The following DHX34 variants were observed in gnomAD, a reference collection of about 807,000 sequenced individuals.
DHX34 encodes DExH-box helicase 34, also known as probable ATP-dependent RNA helicase DHX34.
Under a neutral mutation model 111.1 loss-of-function variants are expected in DHX34, and 96 were observed. That is an observed-to-expected ratio of 0.86 (90% confidence interval 0.73 to 1.02). The LOEUF is 1.02. Among genes scored for constraint, DHX34 ranks in the 50% least tolerant of loss-of-function variants. The probability of loss-of-function intolerance (pLI) is 0.00; values close to 1 mark genes in which losing one functional copy is unlikely to be tolerated. For missense variants in DHX34, 1,560 were observed against 1,579.9 expected (o/e 0.99, Z 0.21); for synonymous variants, 688 against 670.4 (o/e 1.03, Z -0.41).
intron 1 of DHX34, among the ~76,000 whole-genome samples, chr19:47,351,944 A>G (rs1199408553): frequency 6.6e-6 from 1 of 152,242 alleles, no homozygotes; most frequent in Non-Finnish European, 1.5e-5. Flanking sequence ...CCAGGCAGGC[A>G]AAAATTACAT....
chr19:47,381,049 G>A (rs958846998), intron 15 of DHX34, 57 bp downstream of exon 15: 32 of 1,543,094 alleles, frequency 2.1e-5, no homozygotes, highest in Admixed American at 1.4e-4. Context: ...CCACCACCCC[G>A]TTTCACCTTA....
In DHX34 at chr19:47,375,649, A is replaced by G. The variant is rs575842720; in HGVS notation, c.2248A>G (p.Ser750Gly). The G allele has an allele frequency of 3.2e-6, 5 of 1,555,570 alleles. No homozygotes were observed. In the East Asian group the frequency reaches 9.5e-5, roughly 30 times the overall value. ...RLQEEQDGGS[S>G]DEDRAGPAPP... ...GCAGGAGGAGCAGGACGGCGGCTCC[A>G]GTGACGAGGACAGGGCTGGCCCAGC... The change falls in exon 10 of 17, where the codon AGT becomes GGT. Residue 750 changes from serine to glycine, a missense_variant. Transcript: ENST00000328771.
intron 6 of DHX34, among the ~76,000 whole-genome samples, chr19:47,365,166 G>GA (rs1969752700): frequency 6.6e-6 from 1 of 151,936 alleles, no homozygotes; most frequent in East Asian, 1.9e-4. Context: ...GAAACACCTG[G>GA]AGAATTTAAA....
chr19:47,379,255 G>T (rs918944986), intron 13 of DHX34, among the ~76,000 whole-genome samples: 14 of 152,080 alleles, frequency 9.2e-5, no homozygotes, highest in South Asian at 2.1e-4. Flanking sequence ...AACCATCCAC[G>T]CATGGCCAGT....
chr19:47,358,216 G>A (rs1167000506), intron 4 of DHX34, 96 bp downstream of exon 4: 23 of 1,489,124 alleles, frequency 1.5e-5, no homozygotes, highest in East Asian at 2.4e-5. Context: ...CACAGGGCTC[G>A]GGGGCTGTAC....
intron 9 of DHX34, among the ~76,000 whole-genome samples, chr19:47,373,903 G>T (rs1050339941): frequency 6.6e-6 from 1 of 152,156 alleles, no homozygotes; most frequent in Non-Finnish European, 1.5e-5. Context: ...TCCTGGAGGG[G>T]TGGACCGAGT....
chr19:47,376,839 CTG>C, intron 12 of DHX34: 2 of 1,531,052 alleles, frequency 1.3e-6, no homozygotes, highest in Non-Finnish European at 1.7e-6. Context: ...CCTATGGACT[CTG>C]TGAGCTCCCA....
At chr19:47,365,069 T>C (rs1599762253) in intron 6 of DHX34, among the ~76,000 whole-genome samples, 1 of 152,018 alleles carries the variant, frequency 6.6e-6, no homozygotes. Flanking sequence ...CCGGGTCATA[T>C]GTGTTCACCC....
At chr19:47,367,867 G>T (rs1969839316) in intron 7 of DHX34, among the ~76,000 whole-genome samples, 1 of 137,350 alleles carries the variant, frequency 7.3e-6, no homozygotes, top group South Asian at 2.3e-4. Flanking sequence ...TTGTACTCTA[G>T]CCTGGGCGAC....
intron 1 of DHX34, among the ~76,000 whole-genome samples, chr19:47,350,264 G>A (rs964703365): frequency 2.6e-5 from 4 of 152,012 alleles, no homozygotes; most frequent in Non-Finnish European, 2.9e-5. Context: ...GAGAAAGGGC[G>A]TGGTGACTCA....
chr19:47,362,320 A>G (rs1969654349), intron 5 of DHX34, 156 bp from the exon 6 acceptor site: 2 of 964,644 alleles, frequency 2.1e-6, no homozygotes, highest in Admixed American at 6.2e-5. Flanking sequence ...GAATAAATGA[A>G]CAAAATGTCA....
rs1333729988 is a variant in DHX34, at chr19:47,375,724, T to C, written c.2307+16T>C. 6.4e-7 allele frequency: 1 copy of C among 1,559,954 alleles called. No homozygotes were observed. Among genetic ancestry groups the C allele is most frequent in the Admixed American group, 2.0e-5 (1 of 49,852 alleles). On this transcript the variant is annotated intron_variant, in intron 10 of 16. Transcript: ENST00000328771. ...GGACATCCAGGTGGGCGCCATGGGC[T>C]GTGGGGTGTGGGGGTTTACCAAGGT... is the stretch of plus-strand genomic sequence containing the variant.
chr19:47,362,184 C>T (rs1352726394), intron 5 of DHX34, among the ~76,000 whole-genome samples: 3 of 145,852 alleles, frequency 2.1e-5, no homozygotes, highest in Admixed American at 1.4e-4. Flanking sequence ...GTAGGATCAT[C>T]GCTTGAGCCT....
chr19:47,364,233 C>T (rs557795787), intron 6 of DHX34, among the ~76,000 whole-genome samples: 1 of 152,234 alleles, frequency 6.6e-6, no homozygotes, highest in Admixed American at 6.5e-5. Context: ...CTCACCACTC[C>T]TGGTCAGTCC....
intron 16 of DHX34, chr19:47,381,676 C>G (rs570078326): frequency 7.7e-6 from 5 of 645,844 alleles, no homozygotes; most frequent in African/African-American, 5.5e-5. Context: ...ATGCCACACA[C>G]TGGGGTTCAG....
intron 7 of DHX34, among the ~76,000 whole-genome samples, chr19:47,368,844 G>C (rs1969883879): frequency 6.6e-6 from 1 of 151,878 alleles, no homozygotes; most frequent in African/African-American, 2.4e-5. Flanking sequence ...CTCCTGAGTA[G>C]CTGAGACTGT....
chr19:47,361,142 G>A (rs1969619318), intron 5 of DHX34, among the ~76,000 whole-genome samples: 1 of 152,096 alleles, frequency 6.6e-6, no homozygotes, highest in Non-Finnish European at 1.5e-5. Flanking sequence ...GTATCGGTTG[G>A]CTCATCTGAA....
At chr19:47,365,465 T>C (rs1168727141) in intron 6 of DHX34, among the ~76,000 whole-genome samples, 2 of 152,170 alleles carry the variant, frequency 1.3e-5, no homozygotes, top group Non-Finnish European at 2.9e-5. Flanking sequence ...TTGATCAGGC[T>C]GGTCTTGAAC....
chr19:47,379,077 C>T (rs776223652), intron 13 of DHX34, among the ~76,000 whole-genome samples: 8 of 151,580 alleles, frequency 5.3e-5, no homozygotes, highest in Non-Finnish European at 7.4e-5. Flanking sequence ...TGCAGTGAGC[C>T]AAGATTGCGC....
Sources: allele counts gnomAD v4.1 joint callset (sites outside exome capture counted in the v4.1 genomes callset), GRCh38; gene constraint gnomAD v4.1.1; transcripts MANE v1.5; gene names NCBI Gene and HGNC (gene_info 2026-07-23, HGNC 2026-07-21).